Variants in TRPM3 observed in about 807,000 individuals in gnomAD.
The protein encoded by TRPM3 is transient receptor potential cation channel subfamily M member 3.
In TRPM3, 77 loss-of-function variants were observed where a neutral mutation model predicts 181.2. That is an observed-to-expected ratio of 0.42 (90% confidence interval 0.35 to 0.51). The LOEUF (loss-of-function observed/expected upper bound fraction) is 0.51. Ranked by LOEUF, TRPM3 falls within the 20% of genes least tolerant of loss-of-function variation. The probability of loss-of-function intolerance (pLI) is 0.01; values close to 1 mark genes in which losing one functional copy is unlikely to be tolerated. For missense variants in TRPM3, 1,759 were observed against 2,196.7 expected (o/e 0.80, Z 3.98); for synonymous variants, 745 against 796.4 (o/e 0.94, Z 1.09).
intron 1 of TRPM3, among the ~76,000 whole-genome samples, chr9:70,999,434 A>T (rs2097576211): frequency 6.6e-6 from 1 of 152,206 alleles, no homozygotes; most frequent in African/African-American, 2.4e-5. Flanking sequence ...AATAATAAGC[A>T]GAATTGGTGG....
intron 1 of TRPM3, among the ~76,000 whole-genome samples, chr9:70,892,610 CA>C (rs5898170): frequency 0.017 from 2,015 of 121,804 alleles, 17 homozygotes; most frequent in Middle Eastern, 0.025. Flanking sequence ...CGTTTGACCT[CA>C]AAAAAAAAAA....
chr9:71,436,879 T>C (rs1346060852), intron 1 of TRPM3, among the ~76,000 whole-genome samples: 1 of 152,232 alleles, frequency 6.6e-6, no homozygotes, highest in East Asian at 1.9e-4. Context: ...TATGGCAGCA[T>C]TGGAAACTTA....
chr9:71,057,369 A>G (rs529797128), intron 1 of TRPM3, among the ~76,000 whole-genome samples: 1 of 152,202 alleles, frequency 6.6e-6, no homozygotes, highest in African/African-American at 2.4e-5. Flanking sequence ...AGTGTCAGAT[A>G]ACAGAGTGCT....
At chr9:71,386,773 T>C (rs1180198681) in intron 1 of TRPM3, among the ~76,000 whole-genome samples, 2 of 152,328 alleles carry the variant, frequency 1.3e-5, no homozygotes, top group East Asian at 3.9e-4. Context: ...TAGCAATAAC[T>C]TTAATAAATA....
intron 1 of TRPM3, among the ~76,000 whole-genome samples, chr9:71,177,975 C>T (rs1257054197): frequency 6.7e-6 from 1 of 148,362 alleles, no homozygotes; most frequent in East Asian, 1.9e-4. Context: ...CCTTTGCTAG[C>T]AGATGTTTTA....
Position 71,277,552 on chromosome 9 carries a change from A to T in TRPM3, c.183+169101T>A, listed in dbSNP as rs1388711806. Among the ~76,000 whole-genome samples, 6 of 151,982 alleles carry T rather than the reference A, an allele frequency of 3.9e-5. 1 individual carries two copies. The South Asian group carries it at 6.2e-4, about 16-fold the overall frequency. On this transcript the variant is annotated intron_variant, in intron 1 of 24. Transcript: ENST00000357533. ...GAGTCTAATTTTTTTTAACTGATTT[A>T]AAAAAAAGATGTGGACAACAAAGAA...
At chr9:70,923,094 A>C (rs1177341268) in intron 1 of TRPM3, among the ~76,000 whole-genome samples, 1 of 152,172 alleles carries the variant, frequency 6.6e-6, no homozygotes, top group Non-Finnish European at 1.5e-5. Flanking sequence ...GCGCCTATCC[A>C]GGGGCAATGA....
chr9:71,115,192 C>A lies in TRPM3; in HGVS notation c.177+5986G>T, dbSNP rs148807153. Among the ~76,000 whole-genome samples, 408 of 152,192 alleles carry A rather than the reference C, an allele frequency of 2.7e-3. 2 individuals are homozygous for A. The highest frequency in any genetic ancestry group is 9.4e-3 in the African/African-American group (392 of 41,552). Reference sequence around the variant, plus strand: ...AGGGGCCGCTGAATTAAGTTTCCATCCAGCTCAGCTGAATCTATGGCAGCT... The same window carrying A: ...AGGGGCCGCTGAATTAAGTTTCCATACAGCTCAGCTGAATCTATGGCAGCT... On this transcript the variant is annotated intron_variant, in intron 1 of 25. Coordinates refer to ENST00000677713, the MANE Select transcript of TRPM3 (RefSeq NM_001366145.2).
intron 1 of TRPM3, among the ~76,000 whole-genome samples, chr9:71,214,243 A>T (rs1048429459): frequency 1.3e-5 from 2 of 152,212 alleles, no homozygotes; most frequent in Non-Finnish European, 2.9e-5. Flanking sequence ...TTGGAAAAGG[A>T]GCAATAGTTG....
rs1216265735 is a variant in TRPM3, at chr9:71,412,653, A to AC, written c.183+33999_183+34000insG. Among the ~76,000 whole-genome samples, 515 of 151,576 alleles carry AC rather than the reference A, an allele frequency of 3.4e-3. 8 individuals are homozygous for AC. The highest frequency in any genetic ancestry group is 0.012 in the African/African-American group (490 of 40,902). On this transcript the variant is annotated intron_variant, in intron 1 of 24. Transcript: ENST00000357533. The stretch of plus-strand genomic sequence containing the variant: ...GAACACTTTTACACTGTTTGTGGAG[A>AC]TGTAAACTAGTTCAACCACTGGGGA...
chr9:70,827,133 A>G (rs2093605094), intron 6 of TRPM3: 1 of 152,254 alleles, frequency 6.6e-6, no homozygotes, highest in South Asian at 2.1e-4. Flanking sequence ...TCTAGAGACA[A>G]TGAGTACATA....
intron 1 of TRPM3, among the ~76,000 whole-genome samples, chr9:71,066,772 C>G (rs913998797): frequency 6.6e-6 from 1 of 152,032 alleles, no homozygotes; most frequent in Non-Finnish European, 1.5e-5. Context: ...TTCTTCAGAC[C>G]ACCTTTTCCT....
chr9:71,170,033 C>A (rs904908510), intron 1 of TRPM3, among the ~76,000 whole-genome samples: 6 of 146,560 alleles, frequency 4.1e-5, no homozygotes. Context: ...AATCCAAAGT[C>A]AGACTTTACT....
intron 1 of TRPM3, among the ~76,000 whole-genome samples, chr9:71,139,889 A>C (rs2074995692): frequency 6.6e-6 from 1 of 152,192 alleles, no homozygotes; most frequent in Non-Finnish European, 1.5e-5. Context: ...CAATCAGGGA[A>C]ATAAATGACA....
chr9:71,284,582 T>C (rs947710267), intron 1 of TRPM3, among the ~76,000 whole-genome samples: 9 of 152,204 alleles, frequency 5.9e-5, no homozygotes, highest in Non-Finnish European at 1.3e-4. Context: ...GTCACACATT[T>C]CTGATAAAAA....
intron 1 of TRPM3, among the ~76,000 whole-genome samples, chr9:71,194,243 G>C (rs2078204848): frequency 6.6e-6 from 1 of 151,934 alleles, no homozygotes; most frequent in African/African-American, 2.4e-5. Context: ...TTGGGAAGAG[G>C]TAAGTGTGTT....
Position 70,982,452 on chromosome 9 carries a change from G to T in TRPM3, c.178-117941C>A, listed in dbSNP as rs373897537. Among the ~76,000 whole-genome samples the T allele has an allele frequency of 9.9e-5, 15 of 152,270 alleles. No homozygotes were observed. The East Asian group carries it at 1.7e-3, about 18-fold the overall frequency. On this transcript the variant is annotated intron_variant, in intron 1 of 25. Transcript: ENST00000677713. ...TCTCTCCTGGTAGATTAAAATAGCTGTTCCTTCTATTATCTAAGATTTCAG... is the reference window on the plus strand; with the variant it reads ...TCTCTCCTGGTAGATTAAAATAGCTTTTCCTTCTATTATCTAAGATTTCAG...
chr9:71,189,851 A>G (rs962075715), intron 1 of TRPM3, among the ~76,000 whole-genome samples: 5 of 151,846 alleles, frequency 3.3e-5, no homozygotes, highest in African/African-American at 1.2e-4. Flanking sequence ...TTGATAACAT[A>G]TACCTCTAAT....
intron 1 of TRPM3, among the ~76,000 whole-genome samples, chr9:70,907,891 T>C (rs1262332682): frequency 6.6e-6 from 1 of 152,250 alleles, no homozygotes; most frequent in Non-Finnish European, 1.5e-5. Flanking sequence ...GATTTCATTC[T>C]TTTTAATCGC....
Sources: gnomAD v4.1 joint callset for allele counts (sites outside exome capture counted in the v4.1 genomes callset) on GRCh38, gnomAD v4.1.1 for gene constraint, MANE v1.5 for transcripts, NCBI Gene and HGNC (gene_info 2026-07-23, HGNC 2026-07-21) for gene names.